CCNG1: variants seen among roughly 807,000 people sequenced by gnomAD.
CCNG1 encodes the protein cyclin-G1.
A neutral mutation model predicts 30.0 loss-of-function variants in CCNG1; 13 were observed. That is an observed-to-expected ratio of 0.43 (90% CI 0.28 to 0.69). The LOEUF (loss-of-function observed/expected upper bound fraction) is 0.69, where lower values mean the gene tolerates loss of function less well. Ranked by LOEUF, CCNG1 falls within the 30% of genes least tolerant of loss-of-function variation. The pLI is 0.16. For missense variants in CCNG1, 285 were observed against 331.4 expected (o/e 0.86, Z 1.09); for synonymous variants, 110 against 121.5 (o/e 0.91, Z 0.62).
At chr5:163,456,746 A>C in the CCNG1 span, among the ~76,000 whole-genome samples, 1 of 152,246 alleles carries the variant, frequency 6.6e-6, no homozygotes, top group Admixed American at 6.5e-5. Context: ...ATTCCTCTCA[A>C]GAAAATCTTC....
chr5:163,448,637 CATG>C (rs1758102073), downstream of CCNG1: 1 of 152,118 alleles, frequency 6.6e-6, no homozygotes, highest in East Asian at 1.9e-4. Flanking sequence ...CCAGAATTAA[CATG>C]ATACCATACC....
the CCNG1 span, chr5:163,452,381 G>A: frequency 1.3e-5 from 2 of 152,148 alleles, no homozygotes; most frequent in Admixed American, 1.3e-4. Context: ...TCTTATGCCA[G>A]AGAGTAACAA....
At position 163,439,350 on chromosome 5, in the gene CCNG1, T is replaced by G; in HGVS notation, c.94T>G (p.Cys32Gly). ...GGAGTCTAGATGTCAGCCAAAGGTC[T>G]GTGGTTTGAGACTAATTGAGTCTGC... ...EQESRCQPKV[C>G]GLRLIESAHD... Residue 32 changes from cysteine to glycine, a missense_variant, in exon 2 of 7, where the codon TGT becomes GGT. By Grantham distance (159) the Cys-to-Gly change is radical. Transcript: ENST00000340828. 6.2e-7 allele frequency: 1 copy of G among 1,614,192 alleles called. No homozygotes were observed. The highest frequency in any genetic ancestry group is 8.5e-7 in the Non-Finnish European group (1 of 1,180,016).
the CCNG1 span, chr5:163,453,871 T>A: frequency 5.4e-6 from 3 of 559,120 alleles, no homozygotes; most frequent in African/African-American, 1.9e-5. Context: ...ATCTGTTAAC[T>A]GTAGGCATCC....
At chr5:163,457,197 T>A in the CCNG1 span, 7 of 1,110,784 alleles carry the variant, frequency 6.3e-6, no homozygotes, top group Non-Finnish European at 8.6e-6. Flanking sequence ...AGCGGCTTGA[T>A]CTCGGCTCAC....
At chr5:163,447,458 AAAAC>A (rs1172539066), downstream of CCNG1, 2 of 152,090 alleles carry the variant, frequency 1.3e-5, no homozygotes, top group Non-Finnish European at 2.9e-5. Flanking sequence ...AAAAAAAAAA[AAAAC>A]ATGAAGCAAA....
intron 6 of CCNG1, among the ~76,000 whole-genome samples, chr5:163,443,336 A>T (rs962748659): frequency 6.6e-6 from 1 of 151,894 alleles, no homozygotes; most frequent in East Asian, 1.9e-4. Context: ...AAAGAAAAAA[A>T]GTAGGATATG....
chr5:163,438,310 T>C (rs1257888987), intron 1 of CCNG1, among the ~76,000 whole-genome samples: 1 of 151,224 alleles, frequency 6.6e-6, no homozygotes, highest in Non-Finnish European at 1.5e-5. Flanking sequence ...TTAAGTAATA[T>C]TGAGTATTGT....
chr5:163,443,311 C>CAAAAAAA (rs35396845), intron 6 of CCNG1, among the ~76,000 whole-genome samples: 4 of 90,224 alleles, frequency 4.4e-5, no homozygotes, highest in African/African-American at 7.7e-5. Context: ...GACTCCGCCA[C>CAAAAAAA]AAAAAAAAAA....
chr5:163,447,760 T>C (rs1360558420), downstream of CCNG1: 1 of 152,182 alleles, frequency 6.6e-6, no homozygotes, highest in Non-Finnish European at 1.5e-5. Flanking sequence ...AATATGTTTT[T>C]TGACCATAAT....
chr5:163,447,525 C>T (rs145845483), downstream of CCNG1: 1 of 149,674 alleles, frequency 6.7e-6, no homozygotes, highest in African/African-American at 2.5e-5. Context: ...CAGTTGGAAA[C>T]TTAAACATTC....
chr5:163,443,029 G>T (rs1421907350), intron 6 of CCNG1, among the ~76,000 whole-genome samples: 1 of 152,178 alleles, frequency 6.6e-6, no homozygotes, highest in Non-Finnish European at 1.5e-5. Context: ...AAAAAAGTAG[G>T]CCGGATGCAG....
chr5:163,441,097 G>C lies in CCNG1; in HGVS notation c.284G>C (p.Gly95Ala), dbSNP rs145751637. The part of the protein sequence containing the change: ...SKMKVQPKHL[G>A]CVGLSCFYLA... ...TTTTAGGTACAGCCCAAGCACCTTGGGTGTGTTGGACTGAGCTGCTTTTAT... is the reference window on the plus strand; with the variant it reads ...TTTTAGGTACAGCCCAAGCACCTTGCGTGTGTTGGACTGAGCTGCTTTTAT... The change falls in exon 3 of 7, where the codon GGG becomes GCG. Residue 95 changes from glycine (G) to alanine (A), a missense_variant. By Grantham distance (60) the Gly-to-Ala change is moderately conservative. Coordinates refer to ENST00000340828, the MANE Select transcript of CCNG1 (RefSeq NM_004060.4). The C allele has an allele frequency of 6.2e-7, 1 of 1,613,714 alleles. No homozygotes were observed. Among genetic ancestry groups the C allele is most frequent in the Non-Finnish European group, 8.5e-7 (1 of 1,179,816 alleles).
the CCNG1 span, chr5:163,453,083 A>G: frequency 6.6e-6 from 1 of 152,234 alleles, no homozygotes; most frequent in Non-Finnish European, 1.5e-5. Context: ...GATAGTAATC[A>G]GTAATGAGGA....
downstream of CCNG1, chr5:163,446,039 GA>G (rs1255782276): frequency 6.6e-6 from 1 of 152,038 alleles, no homozygotes; most frequent in Non-Finnish European, 1.5e-5. Flanking sequence ...TACTGGAATT[GA>G]ATTAATTAAT....
At chr5:163,442,849 C>G (rs896645983) in intron 6 of CCNG1, among the ~76,000 whole-genome samples, 4 of 152,148 alleles carry the variant, frequency 2.6e-5, no homozygotes, top group African/African-American at 9.7e-5. Context: ...GCACTAAAAT[C>G]ATGCTTTTTT....
chr5:163,457,546 T>G, the CCNG1 span: 1 of 1,414,224 alleles, frequency 7.1e-7, no homozygotes, highest in African/African-American at 1.4e-5. Context: ...TGATGAATTA[T>G]AGTAATTACC....
chr5:163,445,620 ATT>A (rs56065634), downstream of CCNG1, among the ~76,000 whole-genome samples: 2 of 107,986 alleles, frequency 1.9e-5, no homozygotes, highest in African/African-American at 7.1e-5. Flanking sequence ...CACCCAGCTA[ATT>A]TTTTTTTTTT....
the CCNG1 span, chr5:163,454,102 C>G: frequency 4.0e-4 from 363 of 906,508 alleles, no homozygotes; most frequent in African/African-American, 5.8e-3. Flanking sequence ...AGGAAAAATA[C>G]AAGTACAAAC....
Sources: allele counts gnomAD v4.1 joint callset (sites outside exome capture counted in the v4.1 genomes callset), GRCh38; gene constraint gnomAD v4.1.1; transcripts MANE v1.5; gene names NCBI Gene and HGNC (gene_info 2026-07-23, HGNC 2026-07-21).